Variants in PTPRD observed in about 807,000 individuals in gnomAD.
PTPRD encodes protein tyrosine phosphatase receptor type D.
In PTPRD, 34 loss-of-function variants were observed where a neutral mutation model predicts 214.5. The observed-to-expected ratio is 0.16, with a 90% CI of 0.12 to 0.21. PTPRD has a LOEUF of 0.21. PTPRD is among the 10% of genes least tolerant of loss of function. The pLI is 1.00. For synonymous variants in PTPRD, 1,128 were observed against 845.7 expected (o/e 1.33, Z -5.79); for missense variants, 2,545 against 2,398.7 (o/e 1.06, Z -1.27).
At chr9:9,288,839 C>T (rs189877768) in intron 9 of PTPRD, among the ~76,000 whole-genome samples, 16 of 151,784 alleles carry the variant, frequency 1.1e-4, no homozygotes, top group East Asian at 7.9e-4. Context: ...TGATAGTAGG[C>T]GAGTTCTCAT....
At chr9:8,348,221 T>C (rs7856922) in intron 39 of PTPRD, among the ~76,000 whole-genome samples, 73,492 of 152,042 alleles carry the variant, frequency 0.48, 20,687 homozygotes, top group Non-Finnish European at 0.64. Context: ...TTATTTAGAA[T>C]AATTCTGCCT....
intron 7 of PTPRD, among the ~76,000 whole-genome samples, chr9:9,660,664 T>C (rs1370949901): frequency 6.6e-6 from 1 of 152,004 alleles, no homozygotes; most frequent in Admixed American, 6.6e-5. Flanking sequence ...TGATGATCAC[T>C]TTCTCAGGAT....
chr9:8,836,778 A>C, intron 11 of PTPRD, among the ~76,000 whole-genome samples: 1 of 151,222 alleles, frequency 6.6e-6, no homozygotes, highest in East Asian at 2.0e-4. Context: ...TTGTATTTTT[A>C]TTAGAGATGG....
At chr9:9,865,502 C>G (rs1369886640) in intron 5 of PTPRD, among the ~76,000 whole-genome samples, 1 of 152,124 alleles carries the variant, frequency 6.6e-6, no homozygotes, top group Non-Finnish European at 1.5e-5. Context: ...ACCACAGTGT[C>G]CCCACAAGCA....
intron 8 of PTPRD, among the ~76,000 whole-genome samples, chr9:9,440,709 T>A (rs2144342303): frequency 6.6e-6 from 1 of 152,370 alleles, no homozygotes; most frequent in Non-Finnish European, 1.5e-5. Context: ...AATCCAGCCA[T>A]TAATTATTCC....
intron 31 of PTPRD, among the ~76,000 whole-genome samples, chr9:8,470,244 A>G (rs1812613150): frequency 6.6e-6 from 1 of 152,226 alleles, no homozygotes; most frequent in South Asian, 2.1e-4. Flanking sequence ...GATCTAGCTC[A>G]ACACTTCTGG....
At chr9:8,865,188 CCAAATTTTTCAGAAAGAA>C (rs1311282128) in intron 11 of PTPRD, among the ~76,000 whole-genome samples, 12 of 152,174 alleles carry the variant, frequency 7.9e-5, no homozygotes, top group African/African-American at 2.9e-4. Flanking sequence ...CAGGGACAGT[CCAAATTTTTCAGAAAGAA>C]CAAATTTTTC....
At chr9:10,291,088 T>C (rs1036324506) in intron 3 of PTPRD, among the ~76,000 whole-genome samples, 1 of 151,736 alleles carries the variant, frequency 6.6e-6, no homozygotes, top group Non-Finnish European at 1.5e-5. Flanking sequence ...TATAGTGAGA[T>C]TCCTCTTGAG....
intron 11 of PTPRD, among the ~76,000 whole-genome samples, chr9:8,792,905 G>A (rs1169140822): frequency 6.6e-6 from 1 of 151,890 alleles, no homozygotes; most frequent in Non-Finnish European, 1.5e-5. Context: ...CACAGTTACA[G>A]CTACTTCACA....
At chr9:10,017,205 T>G (rs1292312835) in intron 4 of PTPRD, among the ~76,000 whole-genome samples, 1 of 152,220 alleles carries the variant, frequency 6.6e-6, no homozygotes, top group Non-Finnish European at 1.5e-5. Context: ...GTGTTTAATT[T>G]GCATTTATCT....
chr9:8,661,667 T>G (rs2097056368), intron 12 of PTPRD, among the ~76,000 whole-genome samples: 3 of 151,754 alleles, frequency 2.0e-5, no homozygotes. Context: ...TATATTCTAC[T>G]ATTACTCTGC....
intron 8 of PTPRD, among the ~76,000 whole-genome samples, chr9:9,405,346 C>T (rs371483218): frequency 6.6e-6 from 1 of 151,928 alleles, no homozygotes; most frequent in Admixed American, 6.6e-5. Flanking sequence ...TCTCAGGTTC[C>T]TCGAGGGTTA....
chr9:8,765,329 A>G (rs1047706951), intron 11 of PTPRD, among the ~76,000 whole-genome samples: 13 of 152,226 alleles, frequency 8.5e-5, no homozygotes, highest in Non-Finnish European at 1.2e-4. Context: ...TGCAATAACA[A>G]TAACACTATA....
intron 9 of PTPRD, among the ~76,000 whole-genome samples, chr9:9,381,678 T>TTG (rs1272608220): frequency 2.0e-5 from 3 of 149,936 alleles, no homozygotes; most frequent in African/African-American, 7.4e-5. Flanking sequence ...AAGTGTTTGT[T>TTG]TTTTTTTGTT....
chr9:9,346,781 C>T (rs181703714), intron 9 of PTPRD, among the ~76,000 whole-genome samples: 2 of 152,154 alleles, frequency 1.3e-5, no homozygotes, highest in Admixed American at 1.3e-4. Flanking sequence ...CAACCTCCAC[C>T]TCCTGGGTTC....
intron 35 of PTPRD, among the ~76,000 whole-genome samples, chr9:8,435,339 G>C (rs2095299292): frequency 6.6e-6 from 1 of 152,078 alleles, no homozygotes; most frequent in Non-Finnish European, 1.5e-5. Context: ...GGTTACTACA[G>C]AATGTGACAG....
chr9:9,396,849 C>G (rs2068029168), intron 9 of PTPRD, among the ~76,000 whole-genome samples: 1 of 151,954 alleles, frequency 6.6e-6, no homozygotes, highest in Admixed American at 6.6e-5. Flanking sequence ...CTTGAAAATA[C>G]CAGTTTACCA....
chr9:10,027,194 A>ATATAT (rs1200676219), intron 4 of PTPRD, among the ~76,000 whole-genome samples: 2 of 152,204 alleles, frequency 1.3e-5, no homozygotes, highest in Non-Finnish European at 2.9e-5. Flanking sequence ...ATGTGAATGA[A>ATATAT]TATATTATAT....
intron 4 of PTPRD, among the ~76,000 whole-genome samples, chr9:9,993,191 A>T (rs942548201): frequency 3.9e-5 from 6 of 152,164 alleles, no homozygotes; most frequent in African/African-American, 1.4e-4. Flanking sequence ...TCCTGGTGGG[A>T]GTATAAATTG....
Sources: allele counts gnomAD v4.1 joint callset (sites outside exome capture counted in the v4.1 genomes callset), GRCh38; gene constraint gnomAD v4.1.1; transcripts MANE v1.5; gene names NCBI Gene and HGNC (gene_info 2026-07-23, HGNC 2026-07-21).